AFDN: variants seen among roughly 807,000 people sequenced by gnomAD.
AFDN encodes afadin, adherens junction formation factor.
Under a neutral mutation model 216.6 loss-of-function variants are expected in AFDN, and 68 were observed. The observed-to-expected ratio is 0.31, with a 90% confidence interval of 0.26 to 0.38. The LOEUF is 0.38. AFDN is among the 10% of genes least tolerant of loss of function. The pLI, the probability that AFDN is intolerant of heterozygous loss-of-function variation, is 1.00. For synonymous variants in AFDN, 868 were observed against 853.7 expected (o/e 1.02, Z -0.29); for missense variants, 2,136 against 2,342.0 (o/e 0.91, Z 1.82).
At chr6:167,884,056 C>T (rs1489842017) in intron 6 of AFDN, among the ~76,000 whole-genome samples, 1 of 152,202 alleles carries the variant, frequency 6.6e-6, no homozygotes, top group Non-Finnish European at 1.5e-5. Flanking sequence ...AGCATCTTCA[C>T]CAGGAGTTGA....
intron 9 of AFDN, 139 bp from the exon 10 acceptor site, chr6:167,896,739 A>C (rs1788306857): frequency 1.8e-6 from 1 of 562,200 alleles, no homozygotes; most frequent in Admixed American, 3.2e-5. Context: ...ATTGTGTTAC[A>C]TAAGTTTGGA....
chr6:167,948,444 A>C lies in AFDN; in HGVS notation c.3797A>C (p.His1266Pro). ...AATTATGAGGAAAAGCCACATATGC[A>C]CACAGATAGTAATCATTCCAGTATT... is the stretch of plus-strand genomic sequence containing the variant. ...WPNYEEKPHM[H>P]TDSNHSSIAI... Residue 1266 changes from histidine to proline, a missense_variant, in exon 29 of 34, where the codon CAC (histidine) becomes CCC (proline). By Grantham distance (77) the His-to-Pro change is moderately conservative. Transcript: ENST00000683244. The C allele has an allele frequency of 6.2e-7, 1 of 1,614,212 alleles. No homozygotes were observed. The highest frequency in any genetic ancestry group is 8.5e-7 in the Non-Finnish European group (1 of 1,180,042).
intron 12 of AFDN, among the ~76,000 whole-genome samples, chr6:167,902,744 G>C (rs1024665065): frequency 6.6e-6 from 1 of 152,038 alleles, no homozygotes; most frequent in South Asian, 2.1e-4. Context: ...ACCTGTTTTC[G>C]GACTGCAGCT....
chr6:167,965,608 T>C (rs1411618956), intron 31 of AFDN, 149 bp from the exon 32 acceptor site: 18 of 725,914 alleles, frequency 2.5e-5, no homozygotes, highest in Non-Finnish European at 3.5e-5. Context: ...AGACTCTGGA[T>C]TGACCTGCTG....
chr6:167,898,149 G>A, intron 10 of AFDN, 56 bp from the exon 11 acceptor site: 1 of 1,591,698 alleles, frequency 6.3e-7, no homozygotes, highest in Non-Finnish European at 8.6e-7. Context: ...AACATTCTGT[G>A]TTTAAATGCT....
intron 23 of AFDN, 117 bp downstream of exon 23, chr6:167,925,208 G>A: frequency 1.4e-6 from 1 of 723,466 alleles, no homozygotes. Flanking sequence ...TGCCTGTTCA[G>A]TTCTGTTTCT....
chr6:167,951,906 C>T lies in AFDN; in HGVS notation c.4552C>T (p.Leu1518=), dbSNP rs141139097. Residue 1518 remains leucine (L), a synonymous_variant, in exon 30 of 34, where the codon CTG becomes TTG. Transcript: ENST00000683244. The surrounding 1 kb of genome is among the most constrained non-coding windows in gnomAD (Gnocchi z 7.1). ...AGAGGAGCTTTCCTCGGGGGACAGTCTGTCCCCCGACCCGTGGAAGCGGGA... is the reference window on the plus strand; with the variant it reads ...AGAGGAGCTTTCCTCGGGGGACAGTTTGTCCCCCGACCCGTGGAAGCGGGA... The part of the protein sequence containing the change: ...SKEELSSGDS[L]SPDPWKRDAK... 12 of 1,613,860 alleles carry T rather than the reference C, an allele frequency of 7.4e-6. No homozygotes were observed. Among genetic ancestry groups the T allele is most frequent in the Non-Finnish European group, 1.0e-5 (12 of 1,179,944 alleles).
At chr6:167,944,415 A>G (rs917034165) in intron 26 of AFDN, among the ~76,000 whole-genome samples, 15 of 152,292 alleles carry the variant, frequency 9.8e-5, no homozygotes, top group Middle Eastern at 3.4e-3. Flanking sequence ...AGAATGAATG[A>G]ATGGATTTTC....
intron 1 of AFDN, among the ~76,000 whole-genome samples, chr6:167,845,784 A>G (rs1159205171): frequency 2.0e-5 from 3 of 152,216 alleles, no homozygotes; most frequent in South Asian, 2.1e-4. Flanking sequence ...ATCTTAGTGT[A>G]TTAGTCTGTT....
chr6:167,861,054 A>G (rs1180083258), intron 1 of AFDN, among the ~76,000 whole-genome samples: 1 of 152,114 alleles, frequency 6.6e-6, no homozygotes, highest in Non-Finnish European at 1.5e-5. Context: ...GTTGGTGGTC[A>G]GTGTACTTCT....
At chr6:167,834,054 A>G (rs1231340157) in intron 1 of AFDN, among the ~76,000 whole-genome samples, 2 of 152,174 alleles carry the variant, frequency 1.3e-5, no homozygotes, top group African/African-American at 2.4e-5. Flanking sequence ...GTTACATTAC[A>G]TTACACTTTT....
chr6:167,867,199 A>T (rs1221360988), intron 2 of AFDN, among the ~76,000 whole-genome samples: 1 of 152,142 alleles, frequency 6.6e-6, no homozygotes, highest in Non-Finnish European at 1.5e-5. Flanking sequence ...TAGTTCTCTA[A>T]AAGTTGCACT....
chr6:167,870,552 A>T, intron 3 of AFDN, 54 bp downstream of exon 3: 1 of 1,056,994 alleles, frequency 9.5e-7, no homozygotes, highest in South Asian at 1.6e-5. Context: ...GGTCTGACTG[A>T]TAAACAGGAG....
intron 11 of AFDN, among the ~76,000 whole-genome samples, chr6:167,901,269 T>C (rs1788908014): frequency 6.6e-6 from 1 of 152,184 alleles, no homozygotes; most frequent in Non-Finnish European, 1.5e-5. Context: ...TAAATACTAA[T>C]TCATCCTTGT....
At chr6:167,831,394 C>T (rs2300087) in intron 1 of AFDN, among the ~76,000 whole-genome samples, 1,711 of 152,056 alleles carry the variant, frequency 0.011, 71 homozygotes, top group East Asian at 0.091. Flanking sequence ...GTGGTTATAA[C>T]CTTTTAAAAA....
chr6:167,872,115 A>T, intron 3 of AFDN, 99 bp from the exon 4 acceptor site: 1 of 1,116,260 alleles, frequency 9.0e-7, no homozygotes, highest in Non-Finnish European at 1.3e-6. Context: ...AGCTTTGTTC[A>T]CATGTTCGGC....
rs766857705 is a variant in AFDN at position 167,897,067 on chromosome 6, T to C, written c.1317+95T>C. 1.2e-3 allele frequency: 715 copies of C among 587,062 alleles called. 2 individuals carry two copies. The highest frequency in any genetic ancestry group is 1.9e-3 in the Non-Finnish European group (658 of 344,882). The allele number at this position is 587,062 out of a possible 1,614,324, so 36.4% of individuals were successfully genotyped here. On this transcript the variant is annotated intron_variant, in intron 10 of 33. Coordinates refer to ENST00000683244, the MANE Select transcript of AFDN (RefSeq NM_001386888.1). Reference sequence around the variant, plus strand: ...CACATGGTAATGAAAGAAGGAATTATAATTACCGACTTGTATTTAAATATA... The same window carrying C: ...CACATGGTAATGAAAGAAGGAATTACAATTACCGACTTGTATTTAAATATA...
intron 12 of AFDN, among the ~76,000 whole-genome samples, chr6:167,906,393 G>A (rs1217546273): frequency 2.0e-5 from 3 of 152,146 alleles, no homozygotes; most frequent in Admixed American, 1.3e-4. Context: ...CTGGAAAGAC[G>A]TACAGTACAG....
intron 27 of AFDN, among the ~76,000 whole-genome samples, chr6:167,947,124 A>T (rs1264972505): frequency 6.6e-6 from 1 of 152,136 alleles, no homozygotes; most frequent in Non-Finnish European, 1.5e-5. Flanking sequence ...CATTAATAAC[A>T]TCTCTATTTG....
Sources: allele counts gnomAD v4.1 joint callset (sites outside exome capture counted in the v4.1 genomes callset), GRCh38; gene constraint gnomAD v4.1.1; non-coding constraint Gnocchi (gnomAD v3.1); transcripts MANE v1.5; gene names NCBI Gene and HGNC (gene_info 2026-07-23, HGNC 2026-07-21).